DLEC1: variants seen among roughly 807,000 people sequenced by gnomAD.
The protein encoded by DLEC1 is DLEC1 cilia and flagella associated protein, also known as deleted in lung and esophageal cancer protein 1.
DLEC1 carries 146 observed loss-of-function variants against 198.1 expected under a neutral mutation model. That is an observed-to-expected ratio of 0.74 (90% CI 0.64 to 0.85). DLEC1 has a LOEUF of 0.85. Among genes scored for constraint, DLEC1 ranks in the 40% least tolerant of loss-of-function variants. DLEC1 has a pLI of 0.00. For synonymous variants in DLEC1, 897 were observed against 866.8 expected (o/e 1.03, Z -0.61); for missense variants, 2,233 against 2,220.0 (o/e 1.01, Z -0.12).
chr3:38,085,371 T>C lies in DLEC1; in HGVS notation c.1359T>C (p.Phe453=). The C allele has an allele frequency of 6.2e-7, 1 of 1,614,160 alleles. No homozygotes were observed. The highest frequency in any genetic ancestry group is 1.1e-5 in the South Asian group (1 of 91,088). Reference sequence around the variant, plus strand: ...ACTGCCTTGGGGATTTTGATGATTTTATTTTAGTGGAGACCCAGTCAGCCC... The same window carrying C: ...ACTGCCTTGGGGATTTTGATGATTTCATTTTAGTGGAGACCCAGTCAGCCC... ...FPDCLGDFDD[F]ILVETQSAHT... Residue 453 remains phenylalanine (F), a synonymous_variant, in exon 8 of 37, where the codon TTT becomes TTC. Coordinates refer to ENST00000308059, the MANE Select transcript of DLEC1 (RefSeq NM_007335.4).
intron 34 of DLEC1, 34 bp from the exon 35 acceptor site, chr3:38,121,594 C>G (rs754573627): frequency 5.0e-6 from 8 of 1,602,284 alleles, no homozygotes; most frequent in Non-Finnish European, 1.7e-6. Context: ...TCAGAGCCCA[C>G]CCAGAATGGA....
chr3:38,119,812 A>T (rs1168501855), intron 33 of DLEC1, among the ~76,000 whole-genome samples: 1 of 152,094 alleles, frequency 6.6e-6, no homozygotes, highest in East Asian at 1.9e-4. Context: ...GGGATTACAG[A>T]TGTAAGCCAC....
At chr3:38,115,441 T>G (rs561066385) in intron 27 of DLEC1, among the ~76,000 whole-genome samples, 1 of 151,144 alleles carries the variant, frequency 6.6e-6, no homozygotes, top group African/African-American at 2.4e-5. Flanking sequence ...AAGGCCGGAG[T>G]GCTGGGGGAA....
At chr3:38,120,930 A>C (rs865776355) in intron 34 of DLEC1, among the ~76,000 whole-genome samples, 1 of 152,210 alleles carries the variant, frequency 6.6e-6, no homozygotes, top group African/African-American at 2.4e-5. Flanking sequence ...AGGCCAAAAG[A>C]AAGGCCTGAT....
intron 6 of DLEC1, among the ~76,000 whole-genome samples, chr3:38,082,483 G>T (rs1047319905): frequency 7.9e-5 from 12 of 152,272 alleles, no homozygotes; most frequent in Admixed American, 7.8e-4. Flanking sequence ...GGCCCGTCCC[G>T]GTTCGGGTGT....
intron 32 of DLEC1, 96 bp from the exon 33 acceptor site, chr3:38,117,710 T>A: frequency 6.2e-7 from 1 of 1,601,042 alleles, no homozygotes; most frequent in Non-Finnish European, 8.5e-7. Context: ...TGAGCCCAAA[T>A]CCCCTCCCCC....
rs750648276 is a variant in DLEC1 at position 38,120,514 on chromosome 3, C to T, written c.4771C>T (p.Leu1591=). Residue 1591 remains leucine, a synonymous_variant, in exon 34 of 37, where the codon CTG becomes TTG. Coordinates refer to ENST00000308059, the MANE Select transcript of DLEC1 (RefSeq NM_007335.4). ...SYQKLPADQT[L]PGVDIQQSAS... ...TCAGAAGCTCCCAGCTGACCAGACA[C>T]TGCCTGGGGTGGACATTCAGCAGAG... 1 of 1,614,120 alleles carries T rather than the reference C, an allele frequency of 6.2e-7. No homozygotes were observed. The highest frequency in any genetic ancestry group is 1.7e-5 in the Admixed American group (1 of 60,010).
chr3:38,070,657 G>A (rs1697264856), intron 6 of DLEC1, among the ~76,000 whole-genome samples: 1 of 152,188 alleles, frequency 6.6e-6, no homozygotes, highest in Non-Finnish European at 1.5e-5. Context: ...GAAAATTGCA[G>A]TCAAAGGGGG....
chr3:38,052,000 T>A (rs566889521), intron 2 of DLEC1: 1 of 192,374 alleles, frequency 5.2e-6, no homozygotes, highest in South Asian at 1.1e-4. Flanking sequence ...TCAAACCTGC[T>A]AACCTGGAGC....
intron 6 of DLEC1, among the ~76,000 whole-genome samples, chr3:38,068,568 T>C (rs919105729): frequency 1.3e-5 from 2 of 152,240 alleles, no homozygotes; most frequent in African/African-American, 2.4e-5. Context: ...AAAGAACTTA[T>C]GGATGTGTCT....
At chr3:38,050,506 G>C (rs1701062530) in intron 2 of DLEC1, among the ~76,000 whole-genome samples, 1 of 152,024 alleles carries the variant, frequency 6.6e-6, no homozygotes, top group Non-Finnish European at 1.5e-5. Context: ...GCAAAGGGGA[G>C]CCACGCAGAT....
At position 38,084,346 on chromosome 3, in the gene DLEC1, T is replaced by C. The variant is rs1243234421; in HGVS notation, c.1261+101T>C. 2.8e-6 allele frequency: 3 copies of C among 1,070,996 alleles called. No homozygotes were observed. In the African/African-American group the frequency reaches 4.8e-5, roughly 17 times the overall value. 66.3% of individuals were successfully genotyped at this position (1,070,996 alleles called of 1,614,324 possible). On this transcript the variant is annotated intron_variant, in intron 7 of 36. Transcript: ENST00000308059. ...GTGGTAGTAATGGTAGCAATGATAG[T>C]AGTAGTGGTGGTGGTAGTAGTAGTA...
At chr3:38,070,821 G>A (rs899618961) in intron 6 of DLEC1, among the ~76,000 whole-genome samples, 1 of 152,156 alleles carries the variant, frequency 6.6e-6, no homozygotes, top group African/African-American at 2.4e-5. Flanking sequence ...CAGTTAAGGC[G>A]GGGCAGGGCA....
chr3:38,043,563 T>C (rs146906303), intron 1 of DLEC1, among the ~76,000 whole-genome samples: 1 of 152,374 alleles, frequency 6.6e-6, no homozygotes, highest in African/African-American at 2.4e-5. Flanking sequence ...ATTCATATGC[T>C]ATTATAGCGC....
At position 38,116,467 on chromosome 3, in the gene DLEC1, T is replaced by C; in HGVS notation, c.3871T>C (p.Trp1291Arg). 1.9e-6 allele frequency: 3 copies of C among 1,614,094 alleles called. No homozygotes were observed. Among genetic ancestry groups the C allele is most frequent in the Non-Finnish European group, 2.5e-6 (3 of 1,179,984 alleles). ...NSSPCDIRLD[W>R]ETYVPEDKED... ...ATCTGCCCCAGACATCCGCCTGGATTGGGAGACCTATGTTCCAGAAGACAA... is the reference window on the plus strand; with the variant it reads ...ATCTGCCCCAGACATCCGCCTGGATCGGGAGACCTATGTTCCAGAAGACAA... The change falls in exon 28 of 37, where the codon TGG (tryptophan) becomes CGG (arginine). Residue 1291 changes from tryptophan to arginine, a missense_variant. Physicochemically the swap from Trp to Arg is moderately radical, Grantham distance 101. Coordinates refer to ENST00000308059, the MANE Select transcript of DLEC1 (RefSeq NM_007335.4).
rs145727886 is a variant in DLEC1 at position 38,117,062 on chromosome 3, A to T, written c.4267A>T (p.Thr1423Ser). 2,197 of 1,614,110 alleles carry T rather than the reference A, an allele frequency of 1.4e-3. 26 individuals carry two copies. In the African/African-American group the frequency reaches 0.021, roughly 16 times the overall value. Residue 1423 changes from threonine to serine, a missense_variant, in exon 30 of 37, where the codon ACT (threonine) becomes TCT (serine). Coordinates refer to ENST00000308059, the MANE Select transcript of DLEC1 (RefSeq NM_007335.4). ...SPEILHKVEC[T>S]GYALGFMSLD... is the part of the protein sequence containing the mutation. The stretch of plus-strand genomic sequence containing the variant: ...TGAGATCCTGCACAAGGTGGAGTGT[A>T]CTGGCTACGCCCTGGGTTTCATGAG...
intron 13 of DLEC1, 131 bp from the exon 14 acceptor site, chr3:38,095,756 AC>A: frequency 3.5e-6 from 4 of 1,145,436 alleles, no homozygotes; most frequent in Non-Finnish European, 5.1e-6. Flanking sequence ...CAGGGAAGCA[AC>A]CCTGGGTTTT....
intron 6 of DLEC1, among the ~76,000 whole-genome samples, chr3:38,068,369 T>C (rs1697141970): frequency 6.6e-6 from 1 of 152,188 alleles, no homozygotes; most frequent in Admixed American, 6.5e-5. Context: ...AAGCTGGGGC[T>C]ACAGGTGCAG....
intron 6 of DLEC1, among the ~76,000 whole-genome samples, chr3:38,064,709 G>A: frequency 6.6e-6 from 1 of 152,016 alleles, no homozygotes; most frequent in Non-Finnish European, 1.5e-5. Flanking sequence ...CGGGGTCGCG[G>A]CCGGGCAGAG....
Sources: allele counts gnomAD v4.1 joint callset (sites outside exome capture counted in the v4.1 genomes callset), GRCh38; gene constraint gnomAD v4.1.1; transcripts MANE v1.5; gene names NCBI Gene and HGNC (gene_info 2026-07-23, HGNC 2026-07-21).